Variants in CADPS2 observed in about 807,000 individuals in gnomAD.
CADPS2 encodes the protein calcium dependent secretion activator 2.
Under a neutral mutation model 172.5 loss-of-function variants are expected in CADPS2, and 93 were observed. The ratio of observed to expected loss-of-function variants is 0.54; its 90% CI spans 0.46 to 0.64. The LOEUF (loss-of-function observed/expected upper bound fraction) is 0.64. CADPS2 is among the 30% of genes least tolerant of loss of function. The pLI is 0.00. For synonymous variants in CADPS2, 546 were observed against 555.2 expected, an observed-to-expected ratio of 0.98 and a Z score of 0.23; for missense variants, 1,420 against 1,565.9, an observed-to-expected ratio of 0.91 and a Z score of 1.57.
Position 122,723,179 on chromosome 7 carries a change from T to C in CADPS2, c.453+13776A>G, listed in dbSNP as rs534411919. Among the ~76,000 whole-genome samples, 12 of 152,068 alleles carry C rather than the reference T, an allele frequency of 7.9e-5. No individual in the cohort carries two copies. In the South Asian group the frequency reaches 2.1e-3, roughly 26 times the overall value. On this transcript the variant is annotated intron_variant, in intron 2 of 29. Transcript: ENST00000449022. Reference sequence around the variant, plus strand: ...GGCAACAAAAGCCAAAATTGACAAATGGGATCTAATTAAACTAAAGAGCTT... The same window carrying C: ...GGCAACAAAAGCCAAAATTGACAAACGGGATCTAATTAAACTAAAGAGCTT...
At chr7:122,870,199 G>T (rs1280243691) in intron 1 of CADPS2, among the ~76,000 whole-genome samples, 3 of 151,928 alleles carry the variant, frequency 2.0e-5, no homozygotes, top group Non-Finnish European at 4.4e-5. Flanking sequence ...CCAACTATAT[G>T]CTTCCAAAAA....
rs1362338881 is a variant in CADPS2, at chr7:122,820,613, G to A, written c.339+65386C>T. On this transcript the variant is annotated intron_variant, in intron 1 of 29. Transcript: ENST00000449022. Reference sequence around the variant, plus strand: ...CTCGCTCTGTCGCCCAGGCTGGAGTGCAGTGGCGCGATCTCGGCTCACTGC... The same window carrying A: ...CTCGCTCTGTCGCCCAGGCTGGAGTACAGTGGCGCGATCTCGGCTCACTGC... 6.8e-5 allele frequency among the ~76,000 whole-genome samples: 8 copies of A among 117,776 alleles called. 1 individual carries two copies. Among genetic ancestry groups the A allele is most frequent in the African/African-American group, 1.7e-4 (5 of 29,420 alleles). 77.3% of individuals were successfully genotyped at this position (117,776 alleles called of 152,430 possible).
At position 122,680,798 on chromosome 7, in the gene CADPS2, T is replaced by G. The variant is rs541089943; in HGVS notation, c.454-17229A>C. Among the ~76,000 whole-genome samples the G allele has an allele frequency of 1.1e-4, 16 of 152,286 alleles. No homozygotes were observed. The East Asian group carries it at 2.5e-3, about 24-fold the overall frequency. On this transcript the variant is annotated intron_variant, in intron 2 of 29. Coordinates refer to ENST00000449022, the MANE Select transcript of CADPS2 (RefSeq NM_017954.11). The stretch of plus-strand genomic sequence containing the variant: ...TACTGGGTATATACCCAAAGGACTA[T>G]AAATCATGCTTCTATAAAGACACAG...
chr7:122,433,965 G>T (rs751814618), intron 17 of CADPS2, among the ~76,000 whole-genome samples: 1 of 152,182 alleles, frequency 6.6e-6, no homozygotes, highest in Non-Finnish European at 1.5e-5. Context: ...AGGGGAAGAA[G>T]CATAGCTTCT....
At chr7:122,367,710 ATTTTTTTTTTTTT>A (rs57790964) in intron 25 of CADPS2, among the ~76,000 whole-genome samples, 45 of 60,148 alleles carry the variant, frequency 7.5e-4, no homozygotes, top group African/African-American at 2.5e-3. Flanking sequence ...TGCCCAGCTA[ATTTTTTTTTTTTT>A]TTTTTTTTTT....
rs555713918 is a variant in CADPS2 at position 122,662,140 on chromosome 7, G to A, written c.786+1097C>T. Among the ~76,000 whole-genome samples the A allele has an allele frequency of 7.9e-5, 12 of 152,184 alleles. No individual in the cohort carries two copies. The South Asian group carries it at 2.5e-3, about 32-fold the overall frequency. ...TAACACAGAAATTCAGAGAAGATTTGCAAAAAGATTAAAAACAAACATGTA... is the reference window on the plus strand; with the variant it reads ...TAACACAGAAATTCAGAGAAGATTTACAAAAAGATTAAAAACAAACATGTA... On this transcript the variant is annotated intron_variant, in intron 3 of 29. Coordinates refer to ENST00000449022, the MANE Select transcript of CADPS2 (RefSeq NM_017954.11).
At chr7:122,713,314 TA>T (rs56352082) in intron 2 of CADPS2, among the ~76,000 whole-genome samples, 151,236 of 152,234 alleles carry the variant, frequency 0.99, 75,128 homozygotes, top group Non-Finnish European at 1. Context: ...ATCCTGTACT[TA>T]ACACTAGCTC....
chr7:122,840,091 T>C (rs1401999498), intron 1 of CADPS2, among the ~76,000 whole-genome samples: 4 of 152,160 alleles, frequency 2.6e-5, no homozygotes, highest in Non-Finnish European at 2.9e-5. Flanking sequence ...CATGGAATAC[T>C]ATGCAGCCAA....
At chr7:122,526,447 T>TCTCCCAAAGTG (rs1321043348) in intron 8 of CADPS2, among the ~76,000 whole-genome samples, 1 of 151,950 alleles carries the variant, frequency 6.6e-6, no homozygotes, top group Non-Finnish European at 1.5e-5. Flanking sequence ...CCTGCCTCAG[T>TCTCCCAAAGTG]CTCCCAAAGT....
chr7:122,514,223 T>C (rs950337086), intron 8 of CADPS2, among the ~76,000 whole-genome samples: 2 of 151,962 alleles, frequency 1.3e-5, no homozygotes, highest in Non-Finnish European at 2.9e-5. Context: ...GGCCTAATTT[T>C]AAGACTAAAG....
chr7:122,872,836 T>G (rs1325007133), intron 1 of CADPS2, among the ~76,000 whole-genome samples: 1 of 152,148 alleles, frequency 6.6e-6, no homozygotes, highest in Non-Finnish European at 1.5e-5. Flanking sequence ...GGTAACAACT[T>G]TGTAAACTAA....
intron 19 of CADPS2, among the ~76,000 whole-genome samples, chr7:122,411,095 C>T (rs907577516): frequency 1.3e-5 from 2 of 152,192 alleles, no homozygotes; most frequent in Non-Finnish European, 2.9e-5. Flanking sequence ...ATCTCTCTCT[C>T]TCTCCATCCA....
intron 3 of CADPS2, among the ~76,000 whole-genome samples, chr7:122,660,721 C>G (rs1270670395): frequency 6.6e-6 from 1 of 151,930 alleles, no homozygotes; most frequent in African/African-American, 2.4e-5. Flanking sequence ...CCATCCCTGC[C>G]AACATGGTGA....
intron 8 of CADPS2, among the ~76,000 whole-genome samples, chr7:122,553,332 T>C (rs1305508024): frequency 1.3e-5 from 2 of 152,178 alleles, no homozygotes; most frequent in African/African-American, 4.8e-5. Flanking sequence ...AGCAGGTAGA[T>C]GGATGCATGA....
At chr7:122,541,833 ATATGTT>A (rs879525306) in intron 8 of CADPS2, among the ~76,000 whole-genome samples, 22,694 of 103,118 alleles carry the variant, frequency 0.22, 2,774 homozygotes, top group Middle Eastern at 0.31. Context: ...TTATATATTC[ATATGTT>A]TATATATTCA....
intron 1 of CADPS2, among the ~76,000 whole-genome samples, chr7:122,804,044 C>T (rs1045254965): frequency 6.6e-6 from 1 of 151,408 alleles, no homozygotes; most frequent in Non-Finnish European, 1.5e-5. Flanking sequence ...GACAGCTCTC[C>T]TTTGGCCAGT....
At chr7:122,428,919 A>G (rs951445720) in intron 17 of CADPS2, among the ~76,000 whole-genome samples, 8 of 152,172 alleles carry the variant, frequency 5.3e-5, no homozygotes, top group Admixed American at 2.0e-4. Context: ...CACTTACAGA[A>G]TCATTTTTGG....
At chr7:122,884,544 T>A (rs1048585179) in intron 1 of CADPS2, among the ~76,000 whole-genome samples, 1 of 148,684 alleles carries the variant, frequency 6.7e-6, no homozygotes, top group Non-Finnish European at 1.5e-5. Context: ...ACTGAATACC[T>A]AGGGTTAGGT....
chr7:122,425,621 T>C (rs2049069200), intron 17 of CADPS2, among the ~76,000 whole-genome samples: 1 of 151,490 alleles, frequency 6.6e-6, no homozygotes, highest in Admixed American at 6.6e-5. Context: ...AGACTGTTCT[T>C]TAGCCATGTC....
Sources: gnomAD v4.1 joint callset for allele counts (sites outside exome capture counted in the v4.1 genomes callset) on GRCh38, gnomAD v4.1.1 for gene constraint, MANE v1.5 for transcripts, NCBI Gene and HGNC (gene_info 2026-07-23, HGNC 2026-07-21) for gene names.